CBFB: variants seen among roughly 807,000 people sequenced by gnomAD.
CBFB encodes the protein core-binding factor subunit beta.
A neutral mutation model predicts 30.4 loss-of-function variants in CBFB; 9 were observed. That is an observed-to-expected ratio of 0.30 (90% CI 0.18 to 0.52). The LOEUF is 0.52. Ranked by LOEUF, CBFB falls within the 20% of genes least tolerant of loss-of-function variation. The probability of loss-of-function intolerance (pLI) is 0.97; values close to 1 mark genes in which losing one functional copy is unlikely to be tolerated. For synonymous variants in CBFB, 94 were observed against 84.0 expected, an observed-to-expected ratio of 1.12 and a Z score of -0.65; for missense variants, 170 against 244.0, an observed-to-expected ratio of 0.70 and a Z score of 2.02.
Position 67,098,818 on chromosome 16 carries a change from C to T in CBFB, c.*40C>T, listed in dbSNP as rs1454706429. Reference sequence around the variant, plus strand: ...GATGTGTGCTGCCCATCTTTACATACACATTGCTTCTAGTTGGCAGAAATA... The same window carrying T: ...GATGTGTGCTGCCCATCTTTACATATACATTGCTTCTAGTTGGCAGAAATA... On this transcript the variant is annotated 3_prime_UTR_variant, in exon 6 of 6. Transcript: ENST00000412916. 2 of 1,112,030 alleles carry T rather than the reference C, an allele frequency of 1.8e-6. No individual in the cohort carries two copies. The highest frequency in any genetic ancestry group is 2.8e-6 in the Non-Finnish European group (2 of 726,724). The allele number at this position is 1,112,030 out of a possible 1,614,324, so 68.9% of individuals were successfully genotyped here. A position where few individuals can be genotyped will look rare whatever the true frequency, so the allele number is the denominator to read the frequency against.
At chr16:67,089,350 A>T (rs1238508765) in intron 5 of CBFB, among the ~76,000 whole-genome samples, 1 of 152,210 alleles carries the variant, frequency 6.6e-6, no homozygotes, top group East Asian at 1.9e-4. Context: ...AAGAAACTGG[A>T]ACTAGAAACT....
intron 4 of CBFB, among the ~76,000 whole-genome samples, chr16:67,071,580 A>G (rs188091807): frequency 2.5e-4 from 38 of 152,264 alleles, no homozygotes; most frequent in Non-Finnish European, 4.9e-4. Context: ...AAGCCACTCC[A>G]TTTATGGTAT....
intron 2 of CBFB, among the ~76,000 whole-genome samples, chr16:67,033,815 CGTT>C (rs1753785798): frequency 2.3e-5 from 3 of 130,726 alleles, no homozygotes; most frequent in African/African-American, 9.5e-5. Flanking sequence ...AGAGTTTCAC[CGTT>C]GTTTTTTTTT....
intron 4 of CBFB, among the ~76,000 whole-genome samples, chr16:67,081,911 C>T (rs1961568739): frequency 6.7e-6 from 1 of 150,056 alleles, no homozygotes; most frequent in South Asian, 2.1e-4. Context: ...ACCTTCACCT[C>T]CTGGGTTTTA....
Position 67,100,898 on chromosome 16 carries a change from A to G in CBFB, c.*2120A>G, listed in dbSNP as rs1061253. The G allele has an allele frequency of 0.04, 7,939 of 197,450 alleles. 551 individuals carry two copies. Among genetic ancestry groups the G allele is most frequent in the African/African-American group, 0.15 (6,706 of 43,424 alleles). 12.2% of individuals were successfully genotyped at this position (197,450 alleles called of 1,614,324 possible). ...TATTGATGCAATTTGATATTTTTTCATAATCTATATTTAAACAAAATTACA... is the reference window on the plus strand; with the variant it reads ...TATTGATGCAATTTGATATTTTTTCGTAATCTATATTTAAACAAAATTACA... On this transcript the variant is annotated 3_prime_UTR_variant, in exon 6 of 6. Transcript: ENST00000412916.
intron 5 of CBFB, among the ~76,000 whole-genome samples, chr16:67,095,747 C>T (rs1385821224): frequency 1.4e-5 from 2 of 147,650 alleles, no homozygotes; most frequent in African/African-American, 5.0e-5. Context: ...GGCTGGAGTG[C>T]AACAGCACAA....
intron 3 of CBFB, among the ~76,000 whole-genome samples, chr16:67,044,373 AAG>A (rs1454465622): frequency 2.6e-5 from 4 of 152,184 alleles, no homozygotes; most frequent in Admixed American, 6.5e-5. Flanking sequence ...ACCTCAGAAA[AAG>A]AGAGGTTAAA....
intron 3 of CBFB, among the ~76,000 whole-genome samples, chr16:67,046,787 G>A (rs1165814594): frequency 1.3e-5 from 2 of 152,112 alleles, no homozygotes; most frequent in African/African-American, 4.8e-5. Flanking sequence ...TTACCTTCAG[G>A]TGCAGAGACT....
intron 5 of CBFB, among the ~76,000 whole-genome samples, chr16:67,083,692 T>C (rs1236201056): frequency 6.6e-6 from 1 of 152,128 alleles, no homozygotes; most frequent in African/African-American, 2.4e-5. Context: ...AAATTTGAGC[T>C]TTTTTCCCCC....
intron 4 of CBFB, among the ~76,000 whole-genome samples, chr16:67,072,007 G>A (rs1195857897): frequency 6.6e-6 from 1 of 152,030 alleles, no homozygotes; most frequent in African/African-American, 2.4e-5. Flanking sequence ...GATCACACAG[G>A]CAGAAATAAC....
chr16:67,085,719 C>G (rs1244949473), intron 5 of CBFB, among the ~76,000 whole-genome samples: 1 of 148,194 alleles, frequency 6.7e-6, no homozygotes, highest in Non-Finnish European at 1.5e-5. Context: ...GCTCTGTCGC[C>G]CAGGCTGGAG....
intron 2 of CBFB, chr16:67,036,436 C>T: frequency 2.0e-6 from 1 of 504,566 alleles, no homozygotes; most frequent in Non-Finnish European, 3.5e-6. Flanking sequence ...ACTTAAGCAG[C>T]CAATGGCAAA....
At chr16:67,077,553 T>G (rs1597152321) in intron 4 of CBFB, among the ~76,000 whole-genome samples, 1 of 152,210 alleles carries the variant, frequency 6.6e-6, no homozygotes, top group Non-Finnish European at 1.5e-5. Flanking sequence ...TTCAGCAGAT[T>G]TATTTATTTT....
At chr16:67,051,909 GTA>G (rs902402514) in intron 3 of CBFB, among the ~76,000 whole-genome samples, 1 of 126,492 alleles carries the variant, frequency 7.9e-6, no homozygotes, top group Non-Finnish European at 1.6e-5. Flanking sequence ...ATATATATGT[GTA>G]TACACACACA....
chr16:67,076,948 C>T (rs922172350), intron 4 of CBFB, among the ~76,000 whole-genome samples: 5 of 151,412 alleles, frequency 3.3e-5, no homozygotes, highest in African/African-American at 1.2e-4. Context: ...TTCTGCAGTT[C>T]AGTTACTTTA....
intron 3 of CBFB, among the ~76,000 whole-genome samples, chr16:67,043,390 T>C (rs1966565598): frequency 6.6e-6 from 1 of 152,248 alleles, no homozygotes; most frequent in African/African-American, 2.4e-5. Context: ...CTGTTGCTTA[T>C]GTGGCTATAG....
rs183052674 is a variant in CBFB at position 67,035,654 on chromosome 16, C to T, written c.166-985C>T. On this transcript the variant is annotated intron_variant, in intron 2 of 5. Coordinates refer to ENST00000412916, the MANE Select transcript of CBFB (RefSeq NM_022845.3). Reference sequence around the variant, plus strand: ...GTTGATGGCTTTAAACAAATTGCCCCAAATGTGAACCTCTTGATTTGAGAT... The same window carrying T: ...GTTGATGGCTTTAAACAAATTGCCCTAAATGTGAACCTCTTGATTTGAGAT... Among the ~76,000 whole-genome samples the T allele has an allele frequency of 4.1e-4, 63 of 152,258 alleles. No individual in the cohort carries two copies. The East Asian group carries it at 0.012, about 29-fold the overall frequency.
intron 5 of CBFB, chr16:67,093,721 A>G (rs1444456598): frequency 1.3e-5 from 2 of 152,320 alleles, no homozygotes; most frequent in East Asian, 3.9e-4. Context: ...GCTTTATATT[A>G]AAACCCCAAT....
At chr16:67,076,794 A>G (rs553721556) in intron 4 of CBFB, among the ~76,000 whole-genome samples, 1 of 152,332 alleles carries the variant, frequency 6.6e-6, no homozygotes, top group Middle Eastern at 3.4e-3. Flanking sequence ...CTTTACTACA[A>G]AGACTCATTT....
Sources: gnomAD v4.1 joint callset for allele counts (sites outside exome capture counted in the v4.1 genomes callset) on GRCh38, gnomAD v4.1.1 for gene constraint, MANE v1.5 for transcripts, NCBI Gene and HGNC (gene_info 2026-07-23, HGNC 2026-07-21) for gene names.